Variants in ATP2B2 observed in about 807,000 individuals in gnomAD.
ATP2B2 encodes ATPase plasma membrane Ca2+ transporting 2, also known as plasma membrane calcium-transporting ATPase 2.
Under a neutral mutation model 120.0 loss-of-function variants are expected in ATP2B2, and 15 were observed. The ratio of observed to expected loss-of-function variants is 0.12; its 90% CI spans 0.08 to 0.19. The LOEUF (loss-of-function observed/expected upper bound fraction) is 0.19. Among genes scored for constraint, ATP2B2 ranks in the 10% least tolerant of loss-of-function variants. The pLI, the probability that ATP2B2 is intolerant of heterozygous loss-of-function variation, is 1.00. For missense variants in ATP2B2, 1,045 were observed against 1,719.8 expected (o/e 0.61, Z 6.94); for synonymous variants, 694 against 700.3 (o/e 0.99, Z 0.14).
intron 13 of ATP2B2, 89 bp from the exon 14 acceptor site, chr3:10,359,014 G>C (rs770318655): frequency 5.8e-5 from 72 of 1,238,492 alleles, no homozygotes; most frequent in Non-Finnish European, 7.8e-5. Flanking sequence ...GTGATGCCCA[G>C]CTAGCTGTGG....
upstream of ATP2B2, among the ~76,000 whole-genome samples, chr3:10,509,481 C>T (rs2066716919): frequency 6.6e-6 from 1 of 152,196 alleles, no homozygotes; most frequent in South Asian, 2.1e-4. Context: ...AGAGCCCAGG[C>T]TTCTTCCCAT....
intron 1 of ATP2B2, among the ~76,000 whole-genome samples, chr3:10,467,162 A>G (rs2064781768): frequency 6.6e-6 from 1 of 152,122 alleles, no homozygotes; most frequent in African/African-American, 2.4e-5. Context: ...GACACCCTCA[A>G]CCTCTACTTT....
chr3:10,442,891 G>A (rs2063716976), intron 2 of ATP2B2, among the ~76,000 whole-genome samples: 1 of 152,256 alleles, frequency 6.6e-6, no homozygotes, highest in African/African-American at 2.4e-5. Flanking sequence ...CCCTATGAAA[G>A]AGGCACTGTT....
At chr3:10,382,513 ATT>A (rs35821909) in intron 8 of ATP2B2, among the ~76,000 whole-genome samples, 48 of 141,248 alleles carry the variant, frequency 3.4e-4, no homozygotes, top group Non-Finnish European at 4.3e-4. Context: ...TGACCGGCTA[ATT>A]TTTTTTTTTT....
In ATP2B2 at chr3:10,596,418, A is replaced by G. The variant is rs115674830; in HGVS notation, c.-415+23499T>C. Among the ~76,000 whole-genome samples, 237 of 152,324 alleles carry G rather than the reference A, an allele frequency of 1.6e-3. 2 individuals are homozygous for G. The highest frequency in any genetic ancestry group is 5.2e-3 in the African/African-American group (216 of 41,574). On this transcript the variant is annotated intron_variant, in intron 2 of 21. Coordinates refer to the ATP2B2 transcript ENST00000646379. ...GTTTGCTGAAGGAATGAACTTCGTA[A>G]CCGGTCTCATGCAGTGACCACAAAT...
chr3:10,354,139 C>G lies in ATP2B2; in HGVS notation c.2137-3562G>C, dbSNP rs554909826. Among the ~76,000 whole-genome samples the G allele has an allele frequency of 2.6e-5, 4 of 152,316 alleles. No homozygotes were observed. The South Asian group carries it at 8.3e-4, about 32-fold the overall frequency. ...TCCCATCTTATAAATGAAATGCTCT[C>G]TATTCCTGAAGCCATTCCTGATTCC... On this transcript the variant is annotated intron_variant, in intron 14 of 22. Coordinates refer to ENST00000360273, the MANE Select transcript of ATP2B2 (RefSeq NM_001001331.4).
intron 3 of ATP2B2, among the ~76,000 whole-genome samples, chr3:10,408,861 T>G (rs1479781569): frequency 6.6e-6 from 1 of 152,180 alleles, no homozygotes; most frequent in Non-Finnish European, 1.5e-5. Flanking sequence ...TCCGAGCTGA[T>G]TCAGTCCTGT....
intron 1 of ATP2B2, among the ~76,000 whole-genome samples, chr3:10,500,407 C>T (rs1006930783): frequency 7.9e-5 from 12 of 152,160 alleles, no homozygotes; most frequent in African/African-American, 2.9e-4. Flanking sequence ...TTCATGCCCA[C>T]CTGGAACCTC....
intron 2 of ATP2B2, among the ~76,000 whole-genome samples, chr3:10,422,153 C>G (rs969363817): frequency 3.9e-5 from 6 of 152,214 alleles, no homozygotes; most frequent in Non-Finnish European, 8.8e-5. Context: ...GAAACCTCCC[C>G]TGGCTCCTGC....
chr3:10,446,284 C>G (rs921720395), intron 2 of ATP2B2, among the ~76,000 whole-genome samples: 1 of 152,200 alleles, frequency 6.6e-6, no homozygotes, highest in Non-Finnish European at 1.5e-5. Context: ...AAAACAATGA[C>G]AAGAGCTGAC....
intron 2 of ATP2B2, among the ~76,000 whole-genome samples, chr3:10,567,064 T>C (rs1028502571): frequency 2.6e-5 from 4 of 152,106 alleles, no homozygotes; most frequent in Non-Finnish European, 4.4e-5. Context: ...TCCCATTCCC[T>C]CTCCTCACCA....
At chr3:10,490,650 C>T (rs1369475186) in intron 1 of ATP2B2, among the ~76,000 whole-genome samples, 1 of 151,026 alleles carries the variant, frequency 6.6e-6, no homozygotes, top group Non-Finnish European at 1.5e-5. Flanking sequence ...CTGCCCACCT[C>T]AGCATCCCAA....
intron 1 of ATP2B2, among the ~76,000 whole-genome samples, chr3:10,664,130 CAGGG>C (rs538355737): frequency 1.6e-4 from 24 of 152,148 alleles, no homozygotes; most frequent in African/African-American, 5.3e-4. Context: ...GTCTAAGAGC[CAGGG>C]AGTGTTTTTG....
intron 1 of ATP2B2, among the ~76,000 whole-genome samples, chr3:10,623,529 TG>T (rs1248930130): frequency 6.6e-6 from 1 of 151,008 alleles, no homozygotes; most frequent in Non-Finnish European, 1.5e-5. Context: ...TAACTTGGGG[TG>T]GCAATCAGGG....
At chr3:10,589,380 CA>C (rs2068589555) in intron 2 of ATP2B2, among the ~76,000 whole-genome samples, 1 of 152,154 alleles carries the variant, frequency 6.6e-6, no homozygotes, top group Non-Finnish European at 1.5e-5. Context: ...GGTACAGCCC[CA>C]AAGAGGGCTT....
At chr3:10,614,647 G>A (rs1300827300) in intron 2 of ATP2B2, among the ~76,000 whole-genome samples, 2 of 152,172 alleles carry the variant, frequency 1.3e-5, no homozygotes, top group African/African-American at 4.8e-5. Flanking sequence ...CTGTGCCTCA[G>A]TTTTGTTGTC....
intron 2 of ATP2B2, among the ~76,000 whole-genome samples, chr3:10,556,091 G>C (rs1406156995): frequency 4.6e-5 from 7 of 152,146 alleles, no homozygotes; most frequent in African/African-American, 1.7e-4. Context: ...TAGAGACGAG[G>C]GTTTCACCAT....
chr3:10,647,530 G>C (rs2070351780), intron 1 of ATP2B2, among the ~76,000 whole-genome samples: 1 of 152,210 alleles, frequency 6.6e-6, no homozygotes, highest in Non-Finnish European at 1.5e-5. Flanking sequence ...CAACTGCTGT[G>C]GGGAAGTGGG....
intron 8 of ATP2B2, 140 bp downstream of exon 8, chr3:10,385,128 T>C (rs1241874825): frequency 4.8e-6 from 4 of 838,378 alleles, no homozygotes; most frequent in Non-Finnish European, 5.9e-6. Flanking sequence ...GCCTGCCCCA[T>C]GTGAGAAGGT....
Sources: allele counts gnomAD v4.1 joint callset (sites outside exome capture counted in the v4.1 genomes callset), GRCh38; gene constraint gnomAD v4.1.1; transcripts MANE v1.5; gene names NCBI Gene and HGNC (gene_info 2026-07-23, HGNC 2026-07-21).